Variants in FHAD1 observed in about 807,000 individuals in gnomAD.
The protein encoded by FHAD1 is forkhead-associated domain-containing protein 1.
Under a neutral mutation model 191.3 loss-of-function variants are expected in FHAD1, and 146 were observed. The observed-to-expected ratio is 0.76, with a 90% CI of 0.67 to 0.88. FHAD1 has a LOEUF of 0.88. FHAD1 is among the 40% of genes least tolerant of loss of function. The probability of loss-of-function intolerance (pLI) is 0.00; values close to 1 mark genes in which losing one functional copy is unlikely to be tolerated. For synonymous variants in FHAD1, 616 were observed against 672.3 expected (o/e 0.92, Z 1.29); for missense variants, 1,635 against 1,785.8 (o/e 0.92, Z 1.52).
intron 1 of FHAD1, among the ~76,000 whole-genome samples, chr1:15,249,945 G>A (rs77073374): frequency 0.072 from 10,918 of 152,198 alleles, 778 homozygotes; most frequent in East Asian, 0.25. Flanking sequence ...CTCCTTTTCT[G>A]TAAAGTAGGG....
intron 10 of FHAD1, among the ~76,000 whole-genome samples, chr1:15,324,009 C>A (rs751405163): frequency 6.6e-6 from 1 of 152,196 alleles, no homozygotes; most frequent in Non-Finnish European, 1.5e-5. Flanking sequence ...CTACTGTCAT[C>A]CACCTGTTCT....
chr1:15,289,040 A>G lies in FHAD1; in HGVS notation c.301-359A>G, dbSNP rs963735153. 6.6e-6 allele frequency among the ~76,000 whole-genome samples: 1 copy of G among 152,172 alleles called. No individual in the cohort carries two copies. Among genetic ancestry groups the G allele is most frequent in the Non-Finnish European group, 1.5e-5 (1 of 68,028 alleles). ...CATTCTGTCGCCCAGGATGGAGTGCAGTGGTGCTATCACAGCTCACTGCAG... is the reference window on the plus strand; with the variant it reads ...CATTCTGTCGCCCAGGATGGAGTGCGGTGGTGCTATCACAGCTCACTGCAG... On this transcript the variant is annotated intron_variant, in intron 3 of 33. Transcript: ENST00000688493. This position sits in a 1 kb window ranked among gnomAD's most constrained non-coding sequence, Gnocchi z 4.2.
At chr1:15,337,493 A>T (rs1684704279) in intron 14 of FHAD1, among the ~76,000 whole-genome samples, 1 of 152,078 alleles carries the variant, frequency 6.6e-6, no homozygotes, top group South Asian at 2.1e-4. Flanking sequence ...CACTCAGAGG[A>T]GGGGAGCTTA....
At chr1:15,281,261 C>T (rs569798324) in intron 3 of FHAD1, among the ~76,000 whole-genome samples, 5 of 152,206 alleles carry the variant, frequency 3.3e-5, no homozygotes, top group East Asian at 1.9e-4. Flanking sequence ...TGCCTCCTTT[C>T]CCCCTTCTTT....
At chr1:15,365,706 A>T in intron 23 of FHAD1, 121 bp from the exon 24 acceptor site, 1 of 603,266 alleles carries the variant, frequency 1.7e-6, no homozygotes, top group Non-Finnish European at 3.0e-6. Flanking sequence ...CTTTGCTGGG[A>T]CTGGCGTTGC....
Position 15,387,419 on chromosome 1 carries a change from A to G in FHAD1, c.4189-632A>G, listed in dbSNP as rs560190455. Among the ~76,000 whole-genome samples, 15 of 152,230 alleles carry G rather than the reference A, an allele frequency of 9.9e-5. No homozygotes were observed. In the South Asian group the frequency reaches 3.1e-3, roughly 32 times the overall value. On this transcript the variant is annotated intron_variant, in intron 31 of 33. Transcript: ENST00000688493. ...CAGAATGGAAAAGTAAAATGTGGCT[A>G]GAGTGGTGCAGTGTATGGATAGAAG...
chr1:15,363,688 C>T, intron 23 of FHAD1: 3 of 453,194 alleles, frequency 6.6e-6, no homozygotes, highest in South Asian at 1.6e-5. Flanking sequence ...GTTAAGGGGT[C>T]GGCTAAGTGA....
At position 15,367,618 on chromosome 1, in the gene FHAD1, C is replaced by T. The variant is rs1696875083; in HGVS notation, c.3310C>T (p.Leu1104Phe). The change falls in exon 25 of 34, where the codon CTC (leucine) becomes TTC (phenylalanine). Residue 1104 changes from leucine (L) to phenylalanine (F), a missense_variant. Transcript: ENST00000688493. The stretch of plus-strand genomic sequence containing the variant: ...GGAGCTGAAGGCCCTTGAGGAGGCA[C>T]TCAGGTTGGGTGGGCGGGGGCCGGG... Reference protein sequence around the residue: ...DRELKALEEALRASQEKHRLQ... With the variant: ...DRELKALEEAFRASQEKHRLQ... 2.5e-6 allele frequency: 3 copies of T among 1,215,250 alleles called. No individual in the cohort carries two copies. Among genetic ancestry groups the T allele is most frequent in the Non-Finnish European group, 3.3e-6 (3 of 900,186 alleles). The allele number at this position is 1,215,250 out of a possible 1,614,324, so 75.3% of individuals were successfully genotyped here.
At chr1:15,366,447 C>T (rs972472525) in intron 24 of FHAD1, among the ~76,000 whole-genome samples, 11 of 152,258 alleles carry the variant, frequency 7.2e-5, no homozygotes, top group African/African-American at 1.2e-4. Flanking sequence ...TGCCAAGGGG[C>T]GCAGGGCACA....
chr1:15,397,420 C>G lies in FHAD1; in HGVS notation c.*7C>G. 6.9e-7 allele frequency: 1 copy of G among 1,442,152 alleles called. No homozygotes were observed. The highest frequency in any genetic ancestry group is 9.4e-7 in the Non-Finnish European group (1 of 1,059,044). The allele number at this position is 1,442,152 out of a possible 1,614,324, so 89.3% of individuals were successfully genotyped here. A position where few individuals can be genotyped will look rare whatever the true frequency, so the allele number is the denominator to read the frequency against. On this transcript the variant is annotated 3_prime_UTR_variant, in exon 34 of 34. Transcript: ENST00000688493. ...GCCCAGTGGAAAGTACTAGAGAAAC[C>G]TCGTCCCACCAGGCCTCATGTGATC...
chr1:15,253,032 A>G (rs1166213839), intron 2 of FHAD1, among the ~76,000 whole-genome samples: 1 of 152,198 alleles, frequency 6.6e-6, no homozygotes, highest in Non-Finnish European at 1.5e-5. Context: ...AGAGATTCAC[A>G]GGAAGTTCCA....
chr1:15,332,359 C>T (rs1446896534), intron 14 of FHAD1, among the ~76,000 whole-genome samples: 2 of 152,150 alleles, frequency 1.3e-5, no homozygotes, highest in African/African-American at 4.8e-5. Context: ...ACTCCCAAGA[C>T]CATTTTAGTC....
intron 23 of FHAD1, among the ~76,000 whole-genome samples, chr1:15,365,408 A>G (rs919531885): frequency 6.7e-6 from 1 of 149,036 alleles, no homozygotes; most frequent in African/African-American, 2.5e-5. Flanking sequence ...TTCAACTCCT[A>G]TGCTCAAGCA....
intron 18 of FHAD1, among the ~76,000 whole-genome samples, chr1:15,346,023 G>A (rs1688800827): frequency 6.6e-6 from 1 of 152,178 alleles, no homozygotes; most frequent in African/African-American, 2.4e-5. Flanking sequence ...CCCCGGAGGA[G>A]TATCAGTCCT....
intron 2 of FHAD1, among the ~76,000 whole-genome samples, chr1:15,262,857 A>G (rs553506102): frequency 6.6e-6 from 1 of 152,178 alleles, no homozygotes; most frequent in South Asian, 2.1e-4. Flanking sequence ...TGGTAATTCT[A>G]TTATTACATT....
chr1:15,272,484 G>A lies in FHAD1; in HGVS notation c.255G>A (p.Gly85=), dbSNP rs576057104. The A allele has an allele frequency of 1.3e-6, 2 of 1,550,756 alleles. No homozygotes were observed. The highest frequency in any genetic ancestry group is 2.0e-5 in the Admixed American group (1 of 51,006). ...TCCCTGGAGACATCCTGAGATTTGG[G>A]TCTGCAGGGCTGACCTATGAACTGG... ...KLIPGDILRF[G]SAGLTYELVI... The change falls in exon 3 of 34, where the codon GGG becomes GGA. Residue 85 remains glycine, a synonymous_variant. Coordinates refer to ENST00000688493, the MANE Select transcript of FHAD1 (RefSeq NM_001391957.1).
intron 27 of FHAD1, 72 bp downstream of exon 27, chr1:15,374,703 C>T (rs1558265843): frequency 1.3e-6 from 2 of 1,519,490 alleles, no homozygotes; most frequent in South Asian, 1.2e-5. Context: ...GACCAGTTTG[C>T]CAGGACTACC....
chr1:15,329,347 C>A lies in FHAD1; in HGVS notation c.1712C>A (p.Ala571Asp). Residue 571 changes from alanine to aspartate, a missense_variant and splice_region_variant, in exon 14 of 34, where the codon GCT (alanine) becomes GAT (aspartate). Physicochemically the swap from Ala to Asp is moderately radical, Grantham distance 126. Coordinates refer to ENST00000688493, the MANE Select transcript of FHAD1 (RefSeq NM_001391957.1). The surrounding 1 kb of genome is among the most constrained non-coding windows in gnomAD (Gnocchi z 5.0). ...KLRTSLDSCQACMKISCCSHD... is the reference protein window; with the variant it reads ...KLRTSLDSCQDCMKISCCSHD... Reference sequence around the variant, plus strand: ...CCTCATGATCTCACCTCTTTGCAGGCTTGCATGAAAATATCCTGTTGCAGC... The same window carrying A: ...CCTCATGATCTCACCTCTTTGCAGGATTGCATGAAAATATCCTGTTGCAGC... The A allele has an allele frequency of 6.5e-7, 1 of 1,540,492 alleles. No homozygotes were observed. Among genetic ancestry groups the A allele is most frequent in the Non-Finnish European group, 8.8e-7 (1 of 1,138,216 alleles).
chr1:15,385,990 T>C (rs1702009923), intron 31 of FHAD1, among the ~76,000 whole-genome samples: 1 of 152,154 alleles, frequency 6.6e-6, no homozygotes, highest in Non-Finnish European at 1.5e-5. Flanking sequence ...TCTAGTCCAC[T>C]TCCCACATCA....
Sources: allele counts gnomAD v4.1 joint callset (sites outside exome capture counted in the v4.1 genomes callset), GRCh38; gene constraint gnomAD v4.1.1; non-coding constraint Gnocchi (gnomAD v3.1); transcripts MANE v1.5; gene names NCBI Gene and HGNC (gene_info 2026-07-23, HGNC 2026-07-21).